The following TFAP2E variants were observed in gnomAD, a reference collection of about 807,000 sequenced individuals.
The protein encoded by TFAP2E is transcription factor AP-2 epsilon, also known as transcription factor AP-2-epsilon.
In TFAP2E, 30 loss-of-function variants were observed where a neutral mutation model predicts 37.9. The ratio of observed to expected loss-of-function variants is 0.79; its 90% CI spans 0.59 to 1.07. The LOEUF is 1.07. Ranked by LOEUF, TFAP2E falls within the 50% of genes least tolerant of loss-of-function variation. The probability of loss-of-function intolerance (pLI) is 0.00; values close to 1 mark genes in which losing one functional copy is unlikely to be tolerated. For synonymous variants in TFAP2E, 318 were observed against 295.8 expected (o/e 1.08, Z -0.77); for missense variants, 567 against 637.9 (o/e 0.89, Z 1.20).
rs990121965 is a variant in TFAP2E at position 35,588,912 on chromosome 1, G to A, written c.785+360G>A. Among the ~76,000 whole-genome samples, 36 of 152,258 alleles carry A rather than the reference G, an allele frequency of 2.4e-4. No homozygotes were observed. The highest frequency in any genetic ancestry group is 3.8e-4 in the Non-Finnish European group (26 of 68,012). On this transcript the variant is annotated intron_variant, in intron 4 of 6. Coordinates refer to ENST00000373235, the MANE Select transcript of TFAP2E (RefSeq NM_178548.4). This position sits in a 1 kb window ranked among gnomAD's most constrained non-coding sequence, Gnocchi z 5.1. ...CCAGGACCCGAGGCCCATTCTGCGC[G>A]GCAGCATAGGCCCTGTGTGTTTTGG...
chr1:35,574,140 G>A lies in TFAP2E; in HGVS notation c.241G>A (p.Gly81Arg), dbSNP rs775630945. The A allele has an allele frequency of 8.3e-6, 12 of 1,449,128 alleles. No homozygotes were observed. The South Asian group carries it at 1.5e-4, about 18-fold the overall frequency. 89.8% of individuals were successfully genotyped at this position (1,449,128 alleles called of 1,614,324 possible). The part of the protein sequence containing the change: ...DAAAAFPHLA[G>R]DPYGGLAPLA... ...CGCCGCAGCCTTTCCCCACCTGGCA[G>A]GGGACCCATATGGCGGCCTGGCGCC... The change falls in exon 2 of 7, where the codon GGG (glycine) becomes AGG (arginine). Residue 81 changes from glycine to arginine, a missense_variant. Coordinates refer to ENST00000373235, the MANE Select transcript of TFAP2E (RefSeq NM_178548.4).
chr1:35,583,203 T>C (rs567753698), intron 3 of TFAP2E, among the ~76,000 whole-genome samples: 97 of 152,232 alleles, frequency 6.4e-4, no homozygotes, highest in Non-Finnish European at 1.2e-3. Context: ...ACCTGGCCTA[T>C]CATTTTCTTT....
chr1:35,575,116 G>C, intron 3 of TFAP2E, 116 bp downstream of exon 3: 1 of 1,349,510 alleles, frequency 7.4e-7, no homozygotes, highest in East Asian at 2.4e-5. Context: ...GTGTCCACCA[G>C]GCACTCTTCC....
At chr1:35,592,392 G>T (rs560962533) in intron 6 of TFAP2E, among the ~76,000 whole-genome samples, 1 of 152,094 alleles carries the variant, frequency 6.6e-6, no homozygotes, top group East Asian at 1.9e-4. Flanking sequence ...ATAAACAACA[G>T]AAATTTTTAT....
Position 35,594,806 on chromosome 1 carries a change from T to C in TFAP2E, c.*130T>C. 2 of 1,391,538 alleles carry C rather than the reference T, an allele frequency of 1.4e-6. No individual in the cohort carries two copies. The highest frequency in any genetic ancestry group is 1.9e-6 in the Non-Finnish European group (2 of 1,032,116). 86.2% of individuals were successfully genotyped at this position (1,391,538 alleles called of 1,614,324 possible). On this transcript the variant is annotated 3_prime_UTR_variant, in exon 7 of 7. Transcript: ENST00000373235. ...CAGAAAGAGAACATTCATCCAGAGATCCCAGAGTTGGGGATCTGGCTTGGA... is the reference window on the plus strand; with the variant it reads ...CAGAAAGAGAACATTCATCCAGAGACCCCAGAGTTGGGGATCTGGCTTGGA...
At position 35,588,352 on chromosome 1, in the gene TFAP2E, C is replaced by T. The variant is rs372042037; in HGVS notation, c.585C>T (p.Ser195=). Reference sequence around the variant, plus strand: ...CAGTGCCCATCCCCTCCAAAGCCAGCAGCCTCTCAGCCCTCTCCTTGGCCA... The same window carrying T: ...CAGTGCCCATCCCCTCCAAAGCCAGTAGCCTCTCAGCCCTCTCCTTGGCCA... ...IKKVPIPSKA[S]SLSALSLAKD... Residue 195 remains serine, a synonymous_variant, in exon 4 of 7, where the codon AGC becomes AGT. Coordinates refer to ENST00000373235, the MANE Select transcript of TFAP2E (RefSeq NM_178548.4). The surrounding 1 kb of genome is among the most constrained non-coding windows in gnomAD (Gnocchi z 5.1). The T allele has an allele frequency of 2.8e-5, 45 of 1,612,768 alleles. No homozygotes were observed. Among genetic ancestry groups the T allele is most frequent in the African/African-American group, 4.0e-5 (3 of 74,934 alleles).
chr1:35,578,178 AG>A (rs1649238887), intron 3 of TFAP2E, among the ~76,000 whole-genome samples: 1 of 152,142 alleles, frequency 6.6e-6, no homozygotes. Flanking sequence ...GCATTGAAAG[AG>A]GGGGTGTGTA....
chr1:35,587,849 G>C (rs1571106354), intron 3 of TFAP2E, among the ~76,000 whole-genome samples: 2 of 152,040 alleles, frequency 1.3e-5, no homozygotes, highest in East Asian at 3.9e-4. Context: ...CCTGTCTCCA[G>C]GATGTGGAGC....
intron 3 of TFAP2E, among the ~76,000 whole-genome samples, chr1:35,583,581 C>T (rs1037735082): frequency 3.3e-5 from 5 of 150,624 alleles, no homozygotes; most frequent in Admixed American, 1.3e-4. Context: ...GTTGAATAAC[C>T]GGGAGCTCTT....
At chr1:35,583,435 G>A (rs1399001384) in intron 3 of TFAP2E, among the ~76,000 whole-genome samples, 1 of 152,126 alleles carries the variant, frequency 6.6e-6, no homozygotes, top group South Asian at 2.1e-4. Context: ...AAGCCAGGAC[G>A]CCTGGCCTTC....
At chr1:35,579,608 TG>T (rs1024450722) in intron 3 of TFAP2E, among the ~76,000 whole-genome samples, 1 of 151,890 alleles carries the variant, frequency 6.6e-6, no homozygotes, top group African/African-American at 2.4e-5. Flanking sequence ...TTGGCCAGGC[TG>T]GTCTTGAACT....
chr1:35,594,256 A>G, intron 6 of TFAP2E, 138 bp from the exon 7 acceptor site: 1 of 1,092,242 alleles, frequency 9.2e-7, no homozygotes, highest in Non-Finnish European at 1.3e-6. Flanking sequence ...TGTAAAAAAC[A>G]GTATGGTCAT....
chr1:35,579,986 T>G (rs899861052), intron 3 of TFAP2E, among the ~76,000 whole-genome samples: 2 of 151,372 alleles, frequency 1.3e-5, no homozygotes, highest in Non-Finnish European at 2.9e-5. Context: ...GCAGGTGGAT[T>G]ACCTGAGGTC....
rs748922541 is a variant in TFAP2E, at chr1:35,588,497, C to T, written c.730C>T (p.Arg244Ter). The change falls in exon 4 of 7, where the codon CGA becomes TGA. Residue 244 changes from arginine to a stop codon, truncating the protein, a stop_gained. Transcript: ENST00000373235. LOFTEE classifies it high-confidence loss of function. The surrounding 1 kb of genome is among the most constrained non-coding windows in gnomAD (Gnocchi z 5.1). Reference sequence around the variant, plus strand: ...GGTGACGGTGGGGGAGGTGCAGCGGCGACTCTCGCCTCCCGAGTGCCTCAA... The same window carrying T: ...GGTGACGGTGGGGGAGGTGCAGCGGTGACTCTCGCCTCCCGAGTGCCTCAA... ...YKVTVGEVQR[R>*]LSPPECLNAS... 1.3e-5 allele frequency: 21 copies of T among 1,606,692 alleles called. No homozygotes were observed. The highest frequency in any genetic ancestry group is 6.7e-5 in the Admixed American group (4 of 59,924).
chr1:35,583,732 G>A (rs1008282078), intron 3 of TFAP2E, among the ~76,000 whole-genome samples: 4 of 152,050 alleles, frequency 2.6e-5, no homozygotes, highest in Admixed American at 2.0e-4. Context: ...GTGTGTGTGG[G>A]AGACAAACTT....
At chr1:35,585,814 G>T (rs930821409) in intron 3 of TFAP2E, among the ~76,000 whole-genome samples, 1 of 152,134 alleles carries the variant, frequency 6.6e-6, no homozygotes, top group African/African-American at 2.4e-5. Context: ...GGAGGCCAAG[G>T]CAGGCAGGTG....
At position 35,590,716 on chromosome 1, in the gene TFAP2E, C is replaced by T. The variant is rs929267683; in HGVS notation, c.987C>T (p.Cys329=). The T allele has an allele frequency of 1.3e-6, 2 of 1,553,266 alleles. No homozygotes were observed. The highest frequency in any genetic ancestry group is 1.8e-6 in the Non-Finnish European group (2 of 1,140,196). The change falls in exon 6 of 7, where the codon TGC becomes TGT. Residue 329 remains cysteine (C), a synonymous_variant. Transcript: ENST00000373235. The surrounding 1 kb of genome is among the most constrained non-coding windows in gnomAD (Gnocchi z 6.2). ...CCAAGGCAGCTGCCGAGTACCTGTG[C>T]CGACAGCACGCTGACCCGGGGGAGC... ...FPAKAAAEYL[C]RQHADPGELH...
In TFAP2E at chr1:35,582,480, AT is replaced by A. The variant is rs1292278988; in HGVS notation, c.563-5840del. Among the ~76,000 whole-genome samples the A allele has an allele frequency of 7.8e-3, 985 of 126,046 alleles. 8 individuals carry two copies. The highest frequency in any genetic ancestry group is 0.026 in the African/African-American group (897 of 34,644). 82.7% of individuals were successfully genotyped at this position (126,046 alleles called of 152,430 possible). ...TTTCTTTTCTATTTTTAAAATTTTA[AT>A]TTTTTTTTTGCATTTTTAAAAATTA... On this transcript the variant is annotated intron_variant, in intron 3 of 6. Transcript: ENST00000373235.
rs1571106611 is a variant in TFAP2E, at chr1:35,588,167, T to G, written c.563-163T>G. On this transcript the variant is annotated intron_variant, in intron 3 of 6. Coordinates refer to ENST00000373235, the MANE Select transcript of TFAP2E (RefSeq NM_178548.4). This position sits in a 1 kb window ranked among gnomAD's most constrained non-coding sequence, Gnocchi z 5.1. ...GATTCAAGAGCCAGACAACTCGGAGTTCAGTCTCTGAGTTCACATCCATCA... is the reference window on the plus strand; with the variant it reads ...GATTCAAGAGCCAGACAACTCGGAGGTCAGTCTCTGAGTTCACATCCATCA... Among the ~76,000 whole-genome samples the G allele has an allele frequency of 6.6e-6, 1 of 152,112 alleles. No homozygotes were observed. Among genetic ancestry groups the G allele is most frequent in the East Asian group, 1.9e-4 (1 of 5,194 alleles).
Sources: gnomAD v4.1 joint callset for allele counts (sites outside exome capture counted in the v4.1 genomes callset) on GRCh38, gnomAD v4.1.1 for gene constraint, Gnocchi (gnomAD v3.1) non-coding constraint, MANE v1.5 for transcripts, NCBI Gene and HGNC (gene_info 2026-07-23, HGNC 2026-07-21) for gene names.